The following MCMDC2 variants were observed in gnomAD, a reference collection of about 807,000 sequenced individuals.
MCMDC2 encodes the protein minichromosome maintenance domain containing 2.
A neutral mutation model predicts 75.8 loss-of-function variants in MCMDC2; 54 were observed. The observed-to-expected ratio is 0.71, with a 90% CI of 0.57 to 0.89. The LOEUF is 0.89. MCMDC2 is among the 40% of genes least tolerant of loss of function. MCMDC2 has a pLI of 0.00. For synonymous variants in MCMDC2, 249 were observed against 274.6 expected (o/e 0.91, Z 0.92); for missense variants, 656 against 780.4 (o/e 0.84, Z 1.90).
chr8:66,873,326 C>A (rs1811114084), intron 1 of MCMDC2, among the ~76,000 whole-genome samples: 1 of 152,096 alleles, frequency 6.6e-6, no homozygotes, highest in African/African-American at 2.4e-5. Context: ...AGATGATTTC[C>A]CCATAGCAAC....
rs1813526060 is a variant in MCMDC2, at chr8:66,921,376, C to T, written c.*2207C>T. Reference sequence around the variant, plus strand: ...GCAACAGAACTGCACTTATACCCCCCAAATCTATACTGAGGGAAGTGACTA... The same window carrying T: ...GCAACAGAACTGCACTTATACCCCCTAAATCTATACTGAGGGAAGTGACTA... On this transcript the variant is annotated 3_prime_UTR_variant, in exon 15 of 15. Transcript: ENST00000422365. 1 of 152,084 alleles carries T rather than the reference C, an allele frequency of 6.6e-6. No individual in the cohort carries two copies. The highest frequency in any genetic ancestry group is 6.5e-5 in the Admixed American group (1 of 15,268). 9.4% of individuals were successfully genotyped at this position (152,084 alleles called of 1,614,324 possible). A position where few individuals can be genotyped will look rare whatever the true frequency, so the allele number is the denominator to read the frequency against.
chr8:66,883,586 G>A (rs1811695137), intron 8 of MCMDC2, among the ~76,000 whole-genome samples, 171 bp from the exon 9 acceptor site: 1 of 151,824 alleles, frequency 6.6e-6, no homozygotes, highest in Admixed American at 6.6e-5. Context: ...TTGAGGCCAG[G>A]GGTTCAAGAC....
Position 66,874,281 on chromosome 8 carries a change from C to G in MCMDC2, c.95-45C>G. 3 of 1,607,194 alleles carry G rather than the reference C, an allele frequency of 1.9e-6. No homozygotes were observed. In the South Asian group the frequency reaches 3.4e-5, roughly 18 times the overall value. On this transcript the variant is annotated intron_variant, in intron 2 of 14. Transcript: ENST00000422365. ...TATTTTTAAAACTTTCAAATAAACTCCTACACATAGCTATCCTGACTTTTA... is the reference window on the plus strand; with the variant it reads ...TATTTTTAAAACTTTCAAATAAACTGCTACACATAGCTATCCTGACTTTTA...
intron 7 of MCMDC2, 68 bp from the exon 8 acceptor site, chr8:66,880,781 G>T: frequency 7.4e-7 from 1 of 1,346,004 alleles, no homozygotes; most frequent in South Asian, 2.0e-5. Flanking sequence ...CTGGATCTTT[G>T]AACCATATGT....
At chr8:66,901,560 A>C in intron 13 of MCMDC2, 1 of 1,238,294 alleles carries the variant, frequency 8.1e-7, no homozygotes, top group Non-Finnish European at 1.0e-6. Flanking sequence ...TTTTTACTAA[A>C]CTGATTTTTA....
In MCMDC2 at chr8:66,899,208, T is replaced by C. The variant is rs145227672; in HGVS notation, c.1627-1998T>C. On this transcript the variant is annotated intron_variant, in intron 12 of 14. Transcript: ENST00000422365. ...TTTCTGTCAATACCTACGGACTTTA[T>C]AATGTCCTCCCCGACTTCTGCCTCA... Among the ~76,000 whole-genome samples, 132 of 152,330 alleles carry C rather than the reference T, an allele frequency of 8.7e-4. 2 individuals carry two copies. Among genetic ancestry groups the C allele is most frequent in the African/African-American group, 2.8e-3 (117 of 41,572 alleles).
intron 13 of MCMDC2, among the ~76,000 whole-genome samples, chr8:66,902,616 C>T (rs1353479560): frequency 2.0e-5 from 3 of 146,772 alleles, no homozygotes; most frequent in African/African-American, 7.6e-5. Context: ...ATCACTTGAA[C>T]CCCAGAGGCG....
In MCMDC2 at chr8:66,878,691, T is replaced by C; in HGVS notation, c.599T>C (p.Leu200Pro). Residue 200 changes from leucine to proline, a missense_variant, in exon 6 of 15, where the codon CTT becomes CCT. Transcript: ENST00000422365. ...SLQEDRKFRV[L>P]GDKQIVEIIA... ...CAAGAAGACAGAAAATTTAGAGTAC[T>C]TGGTGGTAATATGCATTTATATTTT... The C allele has an allele frequency of 6.4e-7, 1 of 1,562,710 alleles. No individual in the cohort carries two copies. Among genetic ancestry groups the C allele is most frequent in the Non-Finnish European group, 8.6e-7 (1 of 1,159,778 alleles).
At chr8:66,878,014 A>C (rs1009380314) in intron 5 of MCMDC2, among the ~76,000 whole-genome samples, 6 of 152,038 alleles carry the variant, frequency 3.9e-5, no homozygotes, top group Admixed American at 3.3e-4. Flanking sequence ...CTTGAAATGC[A>C]TTTTTTCTCC....
At chr8:66,907,131 T>C (rs1380359410) in intron 14 of MCMDC2, among the ~76,000 whole-genome samples, 2 of 151,964 alleles carry the variant, frequency 1.3e-5, no homozygotes, top group South Asian at 2.1e-4. Context: ...GTTACATAAG[T>C]ATACATGTGC....
chr8:66,902,274 C>T (rs1001714843), intron 13 of MCMDC2, among the ~76,000 whole-genome samples: 1 of 151,202 alleles, frequency 6.6e-6, no homozygotes, highest in East Asian at 2.0e-4. Flanking sequence ...GCCTGTAGTC[C>T]CAGCTACTCA....
At position 66,883,993 on chromosome 8, in the gene MCMDC2, A is replaced by C. The variant is rs1447754967; in HGVS notation, c.1072A>C (p.Arg358=). The part of the protein sequence containing the change: ...IITSDTLLID[R]LLNFSINLVP... ...AACAAGTGATACTCTACTCATAGACAGGTATATATGTGACATGAATTTTTA... is the reference window on the plus strand; with the variant it reads ...AACAAGTGATACTCTACTCATAGACCGGTATATATGTGACATGAATTTTTA... The change falls in exon 9 of 15, where the codon AGG becomes CGG. Residue 358 remains arginine (R), a splice_region_variant and synonymous_variant. Coordinates refer to ENST00000422365, the MANE Select transcript of MCMDC2 (RefSeq NM_173518.5). 1.3e-6 allele frequency: 2 copies of C among 1,585,750 alleles called. No individual in the cohort carries two copies. Among genetic ancestry groups the C allele is most frequent in the Non-Finnish European group, 1.7e-6 (2 of 1,154,996 alleles).
intron 14 of MCMDC2, among the ~76,000 whole-genome samples, chr8:66,909,962 G>A (rs1813038772): frequency 6.6e-6 from 1 of 152,196 alleles, no homozygotes; most frequent in African/African-American, 2.4e-5. Flanking sequence ...TGAAGTATCG[G>A]GACTTGGTGC....
At chr8:66,881,359 G>A (rs1811549964) in intron 8 of MCMDC2, among the ~76,000 whole-genome samples, 1 of 152,170 alleles carries the variant, frequency 6.6e-6, no homozygotes, top group Non-Finnish European at 1.5e-5. Flanking sequence ...GCAATTCTGG[G>A]TTAACTTTTG....
chr8:66,904,679 A>T (rs1039689442), intron 13 of MCMDC2, among the ~76,000 whole-genome samples: 21 of 152,174 alleles, frequency 1.4e-4, no homozygotes, highest in African/African-American at 5.1e-4. Flanking sequence ...GAAGCTGGTT[A>T]AAAAATTAAA....
chr8:66,884,958 A>G (rs1234157072), intron 9 of MCMDC2, among the ~76,000 whole-genome samples: 5 of 151,906 alleles, frequency 3.3e-5, no homozygotes, highest in African/African-American at 1.2e-4. Context: ...TTAATTTTTT[A>G]TATAAACAAA....
chr8:66,895,999 A>T (rs1011542296), intron 10 of MCMDC2, among the ~76,000 whole-genome samples, 171 bp from the exon 11 acceptor site: 1 of 152,204 alleles, frequency 6.6e-6, no homozygotes, highest in Admixed American at 6.5e-5. Context: ...CTTCAAATAC[A>T]TATTTTTTAT....
At chr8:66,906,783 T>G (rs931696291) in intron 14 of MCMDC2, among the ~76,000 whole-genome samples, 4 of 151,452 alleles carry the variant, frequency 2.6e-5, no homozygotes, top group African/African-American at 9.7e-5. Flanking sequence ...TTATTATTAT[T>G]ATTTTTTTTT....
intron 14 of MCMDC2, among the ~76,000 whole-genome samples, chr8:66,913,472 G>T (rs892613567): frequency 5.9e-5 from 9 of 152,154 alleles, no homozygotes; most frequent in Non-Finnish European, 1.3e-4. Context: ...TAAAATTATA[G>T]TGTGTTATAT....
Sources: gnomAD v4.1 joint callset for allele counts (sites outside exome capture counted in the v4.1 genomes callset) on GRCh38, gnomAD v4.1.1 for gene constraint, MANE v1.5 for transcripts, NCBI Gene and HGNC (gene_info 2026-07-23, HGNC 2026-07-21) for gene names.